MEN1: variants seen among roughly 807,000 people sequenced by gnomAD.
The protein encoded by MEN1 is menin.
MEN1 carries 6 observed loss-of-function variants against 58.0 expected under a neutral mutation model. The observed-to-expected ratio is 0.10, with a 90% CI of 0.06 to 0.20. The LOEUF is 0.20. MEN1 is among the 10% of genes least tolerant of loss of function. The probability of loss-of-function intolerance (pLI) is 1.00; values close to 1 mark genes in which losing one functional copy is unlikely to be tolerated. For missense variants in MEN1, 492 were observed against 818.5 expected, an observed-to-expected ratio of 0.60 and a Z score of 4.87; for synonymous variants, 346 against 350.7, an observed-to-expected ratio of 0.99 and a Z score of 0.15.
Position 64,805,195 on chromosome 11 carries a change from T to A in MEN1, c.1189A>T (p.Thr397Ser). ...EERPGEQSQG[T>S]QSQGSALQDP... Reference sequence around the variant, plus strand: ...TGGAGGGCGGAACCTTGGCTCTGGGTGCCCTGGACGAGGGGGAAGGGAGGG... The same window carrying A: ...TGGAGGGCGGAACCTTGGCTCTGGGAGCCCTGGACGAGGGGGAAGGGAGGG... Residue 397 changes from threonine (T) to serine (S), a missense_variant, in exon 9 of 10, where the codon ACC becomes TCC. Physicochemically the swap from Thr to Ser is moderately conservative, Grantham distance 58. Around this residue, in one of 5 missense-constraint regions of MEN1, gnomAD observed 335 missense variants for 550.3 expected, o/e 0.61. Transcript: ENST00000450708. 2 of 1,613,376 alleles carry A rather than the reference T, an allele frequency of 1.2e-6. No individual in the cohort carries two copies. The highest frequency in any genetic ancestry group is 1.7e-6 in the Non-Finnish European group (2 of 1,179,956).
At position 64,804,041 on chromosome 11, in the gene MEN1, T is replaced by G; in HGVS notation, c.*293A>C. 2.1e-6 allele frequency: 1 copy of G among 475,744 alleles called. No individual in the cohort carries two copies. The highest frequency in any genetic ancestry group is 3.9e-6 in the Non-Finnish European group (1 of 259,544). 29.5% of individuals were successfully genotyped at this position (475,744 alleles called of 1,614,324 possible). A position where few individuals can be genotyped will look rare whatever the true frequency, so the allele number is the denominator to read the frequency against. ...GAGCGGTTCCGAGGAGGAGCTTGGG[T>G]TTCTAGGGGCTGGGCCTTTAAAGAC... On this transcript the variant is annotated 3_prime_UTR_variant, in exon 10 of 10. Coordinates refer to ENST00000450708, the MANE Select transcript of MEN1 (RefSeq NM_001370259.2). This position sits in a 1 kb window ranked among gnomAD's most constrained non-coding sequence, Gnocchi z 4.2.
At chr11:64,810,722 C>T (rs1359913319), upstream of MEN1, 2 of 152,666 alleles carry the variant, frequency 1.3e-5, no homozygotes, top group Non-Finnish European at 2.9e-5. Flanking sequence ...ACACCTCCTT[C>T]CCGAGATACT....
Position 64,804,287 on chromosome 11 carries a change from A to G in MEN1, c.*47T>C, listed in dbSNP as rs1798147926. On this transcript the variant is annotated 3_prime_UTR_variant, in exon 10 of 10. Transcript: ENST00000450708. The surrounding 1 kb of genome is among the most constrained non-coding windows in gnomAD (Gnocchi z 4.2). Reference sequence around the variant, plus strand: ...AACATGGGCTCAGAGTTGGGGGACTAAGGGCGGAGCCTGGGTCCCCACAAG... The same window carrying G: ...AACATGGGCTCAGAGTTGGGGGACTGAGGGCGGAGCCTGGGTCCCCACAAG... 6.2e-7 allele frequency: 1 copy of G among 1,613,248 alleles called. No homozygotes were observed. Among genetic ancestry groups the G allele is most frequent in the Non-Finnish European group, 8.5e-7 (1 of 1,179,596 alleles).
intron 8 of MEN1, among the ~76,000 whole-genome samples, 184 bp from the exon 9 acceptor site, chr11:64,805,382 A>G (rs1320429224): frequency 6.6e-6 from 1 of 152,026 alleles, no homozygotes; most frequent in Non-Finnish European, 1.5e-5. Context: ...TACCATCCCT[A>G]CCTCCACCCC....
chr11:64,805,361 T>G (rs1449750237), intron 8 of MEN1, among the ~76,000 whole-genome samples, 163 bp from the exon 9 acceptor site: 1 of 151,934 alleles, frequency 6.6e-6, no homozygotes. Flanking sequence ...AGCCAATCCA[T>G]AGCCAGGACG....
At position 64,807,347 on chromosome 11, in the gene MEN1, G is replaced by T; in HGVS notation, c.784-128C>A. On this transcript the variant is annotated intron_variant, in intron 4 of 9. Coordinates refer to ENST00000450708, the MANE Select transcript of MEN1 (RefSeq NM_001370259.2). The surrounding 1 kb of genome is among the most constrained non-coding windows in gnomAD (Gnocchi z 4.9). ...CCATGTGGAAGGGCCAAAATTCTGG[G>T]ACCAGCCCTTTAATGGAGTCAAAGC... 2 of 1,186,880 alleles carry T rather than the reference G, an allele frequency of 1.7e-6. No individual in the cohort carries two copies. The highest frequency in any genetic ancestry group is 1.2e-6 in the Non-Finnish European group (1 of 825,142). 73.5% of individuals were successfully genotyped at this position (1,186,880 alleles called of 1,614,324 possible). A position where few individuals can be genotyped will look rare whatever the true frequency, so the allele number is the denominator to read the frequency against.
In MEN1 at chr11:64,810,134, T is replaced by G; in HGVS notation, c.-23-2A>C. 15 of 747,024 alleles carry G rather than the reference T, an allele frequency of 2.0e-5. No individual in the cohort carries two copies. The highest frequency in any genetic ancestry group is 1.3e-4 in the East Asian group (3 of 22,840). The allele number at this position is 747,024 out of a possible 1,614,324, so 46.3% of individuals were successfully genotyped here. On this transcript the variant is annotated splice_acceptor_variant, in intron 1 of 9. Transcript: ENST00000450708. LOFTEE classifies it low-confidence loss of function (5UTR_SPLICE). The stretch of plus-strand genomic sequence containing the variant: ...TGGCGGCGGGCGGTGGGCGGCGGCC[T>G]GCAAGGCAAGCCGGGGGAGGGAGGG...
rs760850856 is a variant in MEN1, at chr11:64,807,202, G to C, written c.801C>G (p.Leu267=). ...LQLQQKLLWL[L]YDLGHLERYP... is the part of the protein sequence containing the mutation. ...ACCTTTCCAGATGTCCCAGGTCATA[G>C]AGCAGCCAGAGCAGCTTCTAGGAGC... Residue 267 remains leucine (L), a synonymous_variant, in exon 5 of 10, where the codon CTC becomes CTG. Coordinates refer to ENST00000450708, the MANE Select transcript of MEN1 (RefSeq NM_001370259.2). The surrounding 1 kb of genome is among the most constrained non-coding windows in gnomAD (Gnocchi z 4.9). The C allele has an allele frequency of 9.3e-6, 15 of 1,613,590 alleles. No homozygotes were observed. The highest frequency in any genetic ancestry group is 1.7e-5 in the Admixed American group (1 of 59,964).
Position 64,809,778 on chromosome 11 carries a change from C to T in MEN1, c.332G>A (p.Gly111Asp), listed in dbSNP as rs2136183365. The change falls in exon 2 of 10, where the codon GGT (glycine) becomes GAT (aspartate). Residue 111 changes from glycine (G) to aspartate (D), a missense_variant. Gly to Asp is a moderately conservative substitution (Grantham distance 94). Around this residue, in one of 5 missense-constraint regions of MEN1, gnomAD observed 335 missense variants for 550.3 expected, o/e 0.61. Transcript: ENST00000450708. Reference sequence around the variant, plus strand: ...CTTCACCAGCTCACGGCTGGAGACACCCCCTTCTCGAGGATAGAGGGACAG... The same window carrying T: ...CTTCACCAGCTCACGGCTGGAGACATCCCCTTCTCGAGGATAGAGGGACAG... ...VDLSLYPREGGVSSRELVKKV... is the reference protein window; with the variant it reads ...VDLSLYPREGDVSSRELVKKV... 2 of 1,614,062 alleles carry T rather than the reference C, an allele frequency of 1.2e-6. No individual in the cohort carries two copies. The highest frequency in any genetic ancestry group is 1.7e-6 in the Non-Finnish European group (2 of 1,180,008).
In MEN1 at chr11:64,807,137, C is replaced by A; in HGVS notation, c.825-39G>T. On this transcript the variant is annotated intron_variant, in intron 5 of 9. Coordinates refer to ENST00000450708, the MANE Select transcript of MEN1 (RefSeq NM_001370259.2). The surrounding 1 kb of genome is among the most constrained non-coding windows in gnomAD (Gnocchi z 4.9). ...ATAATTCAGGCTGCCACCCAGCCCC[C>A]CGGCCTCACCAGGCGCAGCCTGGCC... 6.2e-7 allele frequency: 1 copy of A among 1,614,014 alleles called. No homozygotes were observed. The highest frequency in any genetic ancestry group is 1.3e-5 in the African/African-American group (1 of 75,064).
chr11:64,808,136 T>G (rs1198259143), intron 2 of MEN1, 37 bp from the exon 3 acceptor site: 2 of 1,554,370 alleles, frequency 1.3e-6, no homozygotes, highest in East Asian at 4.8e-5. Context: ...GGGTCCTCTG[T>G]GCTTTAACAT....
chr11:64,806,523 C>T (rs1941743665), intron 6 of MEN1, among the ~76,000 whole-genome samples, 155 bp from the exon 7 acceptor site: 1 of 152,206 alleles, frequency 6.6e-6, no homozygotes, highest in Non-Finnish European at 1.5e-5. Flanking sequence ...GCCAGCCCTT[C>T]TACCTGGTCT....
In MEN1 at chr11:64,807,125, C is replaced by T. The variant is rs754338690; in HGVS notation, c.825-27G>A. 65 of 1,613,820 alleles carry T rather than the reference C, an allele frequency of 4.0e-5. No individual in the cohort carries two copies. The highest frequency in any genetic ancestry group is 3.6e-5 in the Non-Finnish European group (43 of 1,179,882). On this transcript the variant is annotated intron_variant, in intron 5 of 9. Coordinates refer to ENST00000450708, the MANE Select transcript of MEN1 (RefSeq NM_001370259.2). The surrounding 1 kb of genome is among the most constrained non-coding windows in gnomAD (Gnocchi z 4.9). ...TAGGAAAGGATCATAATTCAGGCTGCCACCCAGCCCCCCGGCCTCACCAGG... is the reference window on the plus strand; with the variant it reads ...TAGGAAAGGATCATAATTCAGGCTGTCACCCAGCCCCCCGGCCTCACCAGG...
At chr11:64,810,164 G>GTGGGTGGGC in intron 1 of MEN1, 32 bp from the exon 2 acceptor site, 1 of 727,302 alleles carries the variant, frequency 1.4e-6, no homozygotes, top group Admixed American at 2.4e-5. Flanking sequence ...GGAGGGTCGG[G>GTGGGTGGGC]CAGGTTCGGC....
At chr11:64,809,285 C>A (rs796341744) in intron 2 of MEN1, among the ~76,000 whole-genome samples, 138 of 127,832 alleles carry the variant, frequency 1.1e-3, no homozygotes, top group African/African-American at 3.7e-3. Flanking sequence ...AAAAAAAAAT[C>A]TTCATAGCCA....
chr11:64,810,165 C>A (rs896978387), intron 1 of MEN1, 33 bp from the exon 2 acceptor site: 3 of 1,207,986 alleles, frequency 2.5e-6, no homozygotes, highest in Admixed American at 2.2e-5. Context: ...GAGGGTCGGG[C>A]AGGTTCGGCC....
At chr11:64,805,915 C>G (rs1186436043) in intron 7 of MEN1, 145 bp from the exon 8 acceptor site, 1 of 855,010 alleles carries the variant, frequency 1.2e-6, no homozygotes, top group Non-Finnish European at 1.9e-6. Context: ...TGGGTCAGCC[C>G]AGAGGAAGAA....
Position 64,805,654 on chromosome 11 carries a change from C to G in MEN1, c.1166G>C (p.Arg389Pro), listed in dbSNP as rs775267651. 8.1e-6 allele frequency: 13 copies of G among 1,613,948 alleles called. No individual in the cohort carries two copies. The highest frequency in any genetic ancestry group is 1.7e-5 in the Admixed American group (1 of 60,008). ...AASLLEAGEE[R>P]PGEQSQGTQS... ...TTTCACCTGGCTTTGCTCCCCCGGC[C>G]GCTCCTCGCCCGCCTCCAGCAAGCT... Residue 389 changes from arginine to proline, a missense_variant, in exon 8 of 10, where the codon CGG becomes CCG. Coordinates refer to ENST00000450708, the MANE Select transcript of MEN1 (RefSeq NM_001370259.2).
intron 8 of MEN1, 97 bp from the exon 9 acceptor site, chr11:64,805,295 T>C: frequency 7.1e-7 from 1 of 1,407,990 alleles, no homozygotes; most frequent in Non-Finnish European, 9.7e-7. Context: ...GACCCCTGGC[T>C]CCAGAAAAGG....
Sources: gnomAD v4.1 joint callset for allele counts (sites outside exome capture counted in the v4.1 genomes callset) on GRCh38, gnomAD v4.1.1 for gene constraint, gnomAD v4.1.1 regional missense constraint, Gnocchi (gnomAD v3.1) non-coding constraint, MANE v1.5 for transcripts, NCBI Gene and HGNC (gene_info 2026-07-23, HGNC 2026-07-21) for gene names.